The following ARID1A variants were observed in gnomAD, a reference collection of about 807,000 sequenced individuals.
ARID1A encodes the protein AT-rich interactive domain-containing protein 1A.
In ARID1A, 20 loss-of-function variants were observed where a neutral mutation model predicts 212.6. That is an observed-to-expected ratio of 0.09 (90% confidence interval 0.07 to 0.14). The LOEUF (loss-of-function observed/expected upper bound fraction) is 0.14. Among genes scored for constraint, ARID1A ranks in the 10% least tolerant of loss-of-function variants. The pLI is 1.00. For synonymous variants in ARID1A, 1,376 were observed against 1,222.1 expected (o/e 1.13, Z -2.63); for missense variants, 2,587 against 3,059.0 (o/e 0.85, Z 3.64).
rs543897401 is a variant in ARID1A at position 26,756,401 on chromosome 1, C to G, written c.1921-4455C>G. ...TGAAACCCCGTCTCTACTAAAAATA[C>G]AAAAATTAACTGGGTGTGGTGGTGC... On this transcript the variant is annotated intron_variant, in intron 4 of 19. Transcript: ENST00000324856. 7.9e-5 allele frequency among the ~76,000 whole-genome samples: 12 copies of G among 151,876 alleles called. No homozygotes were observed. The East Asian group carries it at 2.4e-3, about 30-fold the overall frequency.
rs780240905 is a variant in ARID1A, at chr1:26,763,109, A to C, written c.2556A>C (p.Thr852=). Residue 852 remains threonine, a synonymous_variant, in exon 8 of 20, where the codon ACA becomes ACC. Transcript: ENST00000324856. The part of the protein sequence containing the change: ...HGQPGIPPYG[T]LPPGRMSHAS... ...AGCCTGGCATCCCACCTTATGGCACACTCCCTCCAGGGAGGATGAGTCACG... is the reference window on the plus strand; with the variant it reads ...AGCCTGGCATCCCACCTTATGGCACCCTCCCTCCAGGGAGGATGAGTCACG... The C allele has an allele frequency of 5.0e-6, 8 of 1,613,934 alleles. No homozygotes were observed. Among genetic ancestry groups the C allele is most frequent in the Non-Finnish European group, 6.8e-6 (8 of 1,180,006 alleles).
chr1:26,696,140 C>T lies in ARID1A; in HGVS notation c.-264C>T. The stretch of plus-strand genomic sequence containing the variant: ...GGAATGAGCCGGGAGAGCCGGGTCC[C>T]GAGCCTACAGAGCCGGGAGCAGCTG... On this transcript the variant is annotated 5_prime_UTR_variant, in exon 1 of 20. Coordinates refer to ENST00000324856, the MANE Select transcript of ARID1A (RefSeq NM_006015.6). 3 of 492,750 alleles carry T rather than the reference C, an allele frequency of 6.1e-6. No homozygotes were observed. Among genetic ancestry groups the T allele is most frequent in the Non-Finnish European group, 8.6e-6 (3 of 347,080 alleles). The allele number at this position is 492,750 out of a possible 1,614,324, so 30.5% of individuals were successfully genotyped here.
rs574349760 is a variant in ARID1A, at chr1:26,760,582, G to A, written c.1921-274G>A. ...TGCTTGCCTGTAATCCCAGCCACTC[G>A]GGAGGCTGAGGCAGGAGAATTGCTT... On this transcript the variant is annotated intron_variant, in intron 4 of 19. Coordinates refer to ENST00000324856, the MANE Select transcript of ARID1A (RefSeq NM_006015.6). 1.1e-4 allele frequency among the ~76,000 whole-genome samples: 17 copies of A among 152,168 alleles called. No homozygotes were observed. The East Asian group carries it at 1.5e-3, about 14-fold the overall frequency.
At chr1:26,716,070 G>A (rs767074717) in intron 1 of ARID1A, among the ~76,000 whole-genome samples, 3 of 151,868 alleles carry the variant, frequency 2.0e-5, no homozygotes, top group Non-Finnish European at 4.4e-5. Flanking sequence ...GCCAGGAGTG[G>A]TGGTGCATGC....
At chr1:26,710,494 T>TACACACACAC (rs61663540) in intron 1 of ARID1A, among the ~76,000 whole-genome samples, 37,312 of 131,246 alleles carry the variant, frequency 0.28, 5,721 homozygotes, top group East Asian at 0.39. Context: ...AAATAATACA[T>TACACACACAC]ACACACACAC....
chr1:26,747,813 G>C (rs984467006), intron 4 of ARID1A, among the ~76,000 whole-genome samples: 1 of 152,132 alleles, frequency 6.6e-6, no homozygotes, highest in Non-Finnish European at 1.5e-5. Flanking sequence ...TTGCACGACT[G>C]CACTCCAGCC....
chr1:26,741,907 T>C (rs968718853), intron 4 of ARID1A, among the ~76,000 whole-genome samples: 2 of 152,264 alleles, frequency 1.3e-5, no homozygotes, highest in African/African-American at 4.8e-5. Flanking sequence ...GAGGGAGCTA[T>C]GCTGTCCCTG....
At chr1:26,759,176 G>A (rs2080968285) in intron 4 of ARID1A, among the ~76,000 whole-genome samples, 2 of 152,152 alleles carry the variant, frequency 1.3e-5, no homozygotes, top group South Asian at 2.1e-4. Flanking sequence ...CTTGAGATGT[G>A]TGGTGTTTTC....
intron 1 of ARID1A, among the ~76,000 whole-genome samples, chr1:26,709,636 T>TC (rs1462347230): frequency 2.1e-5 from 3 of 142,514 alleles, no homozygotes; most frequent in African/African-American, 5.0e-5. Context: ...CTTTTTTTTT[T>TC]TTTTTTTTTT....
intron 1 of ARID1A, among the ~76,000 whole-genome samples, chr1:26,721,254 C>G (rs2080561889): frequency 6.6e-6 from 1 of 152,138 alleles, no homozygotes; most frequent in South Asian, 2.1e-4. Context: ...CTCTGTCACC[C>G]AGGCTGGAGT....
Position 26,696,976 on chromosome 1 carries a change from C to T in ARID1A, c.573C>T (p.Gly191=), listed in dbSNP as rs1362929502. The T allele has an allele frequency of 1.3e-6, 2 of 1,491,972 alleles. No homozygotes were observed. Among genetic ancestry groups the T allele is most frequent in the Non-Finnish European group, 8.9e-7 (1 of 1,124,750 alleles). 92.4% of individuals were successfully genotyped at this position (1,491,972 alleles called of 1,614,324 possible). A position where few individuals can be genotyped will look rare whatever the true frequency, so the allele number is the denominator to read the frequency against. ...CGCTGCAGAGCGGCGGCGGCGGGGGCCTGGAGCCCTACGCGGGGCCCCAGC... is the reference window on the plus strand; with the variant it reads ...CGCTGCAGAGCGGCGGCGGCGGGGGTCTGGAGCCCTACGCGGGGCCCCAGC... ...LAALQSGGGG[G]LEPYAGPQQN... Residue 191 remains glycine, a synonymous_variant, in exon 1 of 20, where the codon GGC becomes GGT. Coordinates refer to ENST00000324856, the MANE Select transcript of ARID1A (RefSeq NM_006015.6).
intron 4 of ARID1A, among the ~76,000 whole-genome samples, chr1:26,739,076 A>G (rs1196515825): frequency 2.0e-5 from 3 of 150,772 alleles, no homozygotes; most frequent in African/African-American, 7.3e-5. Context: ...TTTAGTAGAG[A>G]TGGGGTTTCA....
At chr1:26,732,904 T>A in intron 4 of ARID1A, 112 bp downstream of exon 4, 1 of 920,704 alleles carries the variant, frequency 1.1e-6, no homozygotes, top group Non-Finnish European at 1.7e-6. Context: ...GAATAAGTTA[T>A]TTCTTGAATT....
At position 26,729,402 on chromosome 1, in the gene ARID1A, T is replaced by C. The variant is rs931065428; in HGVS notation, c.1138-249T>C. 6 of 508,772 alleles carry C rather than the reference T, an allele frequency of 1.2e-5. 1 individual carries two copies. Among genetic ancestry groups the C allele is most frequent in the African/African-American group, 7.7e-5 (4 of 51,994 alleles). The allele number at this position is 508,772 out of a possible 1,614,324, so 31.5% of individuals were successfully genotyped here. On this transcript the variant is annotated intron_variant, in intron 1 of 19. Transcript: ENST00000324856. ...CCTTGGATCTCAAGCAGTACCACAG[T>C]TACAAAGTAGTTTTTAGCTTACAAG... is the stretch of plus-strand genomic sequence containing the variant.
chr1:26,716,074 T>G lies in ARID1A; in HGVS notation c.1138-13577T>G, dbSNP rs952735260. ...AACAAAAATTAGCCAGGAGTGGTGGTGCATGCCCGTAATCCCAGCTACTCA... is the reference window on the plus strand; with the variant it reads ...AACAAAAATTAGCCAGGAGTGGTGGGGCATGCCCGTAATCCCAGCTACTCA... On this transcript the variant is annotated intron_variant, in intron 1 of 19. Transcript: ENST00000324856. 2.0e-5 allele frequency among the ~76,000 whole-genome samples: 3 copies of G among 151,236 alleles called. No homozygotes were observed. The South Asian group carries it at 6.3e-4, about 32-fold the overall frequency.
rs2080448289 is a variant in ARID1A, at chr1:26,711,031, C to CTGG, written c.1137+13492_1137+13494dup. The stretch of plus-strand genomic sequence containing the variant: ...CGGGTTCTTGGTGACAGTCATTTTC[C>CTGG]TGGCATGTAGGCAACTGTCTTCTGT... On this transcript the variant is annotated intron_variant, in intron 1 of 19. Coordinates refer to ENST00000324856, the MANE Select transcript of ARID1A (RefSeq NM_006015.6). Among the ~76,000 whole-genome samples the CTGG allele has an allele frequency of 2.0e-5, 3 of 152,078 alleles. No individual in the cohort carries two copies. In the South Asian group the frequency reaches 6.2e-4, roughly 32 times the overall value.
At position 26,696,190 on chromosome 1, in the gene ARID1A, C is replaced by T; in HGVS notation, c.-214C>T. The T allele has an allele frequency of 1.5e-6, 1 of 681,058 alleles. No individual in the cohort carries two copies. Among genetic ancestry groups the T allele is most frequent in the Non-Finnish European group, 2.0e-6 (1 of 510,448 alleles). 42.2% of individuals were successfully genotyped at this position (681,058 alleles called of 1,614,324 possible). A position where few individuals can be genotyped will look rare whatever the true frequency, so the allele number is the denominator to read the frequency against. On this transcript the variant is annotated 5_prime_UTR_variant, in exon 1 of 20. Transcript: ENST00000324856. Reference sequence around the variant, plus strand: ...GAGCCGCCGGCGCCTCGGCCGCCGCCGCCGCCTCCTCCTCCTCCGCCGCCG... The same window carrying T: ...GAGCCGCCGGCGCCTCGGCCGCCGCTGCCGCCTCCTCCTCCTCCGCCGCCG...
At chr1:26,729,523 A>C (rs2080652216) in intron 1 of ARID1A, 128 bp from the exon 2 acceptor site, 2 of 1,104,326 alleles carry the variant, frequency 1.8e-6, no homozygotes, top group East Asian at 2.5e-5. Context: ...GGTTGGTCTC[A>C]TTGCTCTTTC....
At chr1:26,751,688 T>C (rs896665880) in intron 4 of ARID1A, among the ~76,000 whole-genome samples, 3 of 152,220 alleles carry the variant, frequency 2.0e-5, no homozygotes, top group Non-Finnish European at 4.4e-5. Context: ...TCTGCTTCCT[T>C]TCAAAAGGAA....
Sources: allele counts gnomAD v4.1 joint callset (sites outside exome capture counted in the v4.1 genomes callset), GRCh38; gene constraint gnomAD v4.1.1; transcripts MANE v1.5; gene names NCBI Gene and HGNC (gene_info 2026-07-23, HGNC 2026-07-21).